The following EXOC6B variants were observed in gnomAD, a reference collection of about 807,000 sequenced individuals.
EXOC6B encodes SEC15 homolog B.
A neutral mutation model predicts 113.5 loss-of-function variants in EXOC6B; 54 were observed. The observed-to-expected ratio is 0.48, with a 90% CI of 0.38 to 0.60. The LOEUF (loss-of-function observed/expected upper bound fraction) is 0.60. Among genes scored for constraint, EXOC6B ranks in the 20% least tolerant of loss-of-function variants. The pLI, the probability that EXOC6B is intolerant of heterozygous loss-of-function variation, is 0.00. For synonymous variants in EXOC6B, 357 were observed against 339.0 expected (o/e 1.05, Z -0.58); for missense variants, 797 against 977.5 (o/e 0.82, Z 2.46).
intron 18 of EXOC6B, among the ~76,000 whole-genome samples, chr2:72,450,249 G>C (rs1696832082): frequency 6.6e-6 from 1 of 152,092 alleles, no homozygotes; most frequent in African/African-American, 2.4e-5. Context: ...AAAAAAAATA[G>C]TAAAACTCTG....
At chr2:72,660,635 T>A (rs542737267) in intron 6 of EXOC6B, among the ~76,000 whole-genome samples, 1 of 152,196 alleles carries the variant, frequency 6.6e-6, no homozygotes, top group Non-Finnish European at 1.5e-5. Context: ...CTGTAAACTT[T>A]CTTTAATGGA....
chr2:72,183,482 G>C (rs1349499513), intron 21 of EXOC6B, among the ~76,000 whole-genome samples: 1 of 152,170 alleles, frequency 6.6e-6, no homozygotes, highest in East Asian at 1.9e-4. Context: ...CTCTGTGGCA[G>C]GGAACCCTCT....
chr2:72,825,994 C>T lies in EXOC6B; in HGVS notation c.-84G>A. 1 of 1,533,140 alleles carries T rather than the reference C, an allele frequency of 6.5e-7. No homozygotes were observed. Among genetic ancestry groups the T allele is most frequent in the Non-Finnish European group, 8.8e-7 (1 of 1,140,352 alleles). The allele number at this position is 1,533,140 out of a possible 1,614,324, so 95.0% of individuals were successfully genotyped here. A position where few individuals can be genotyped will look rare whatever the true frequency, so the allele number is the denominator to read the frequency against. ...CCCACAATGCCGCTCCCACCACAGG[C>T]TCCACAGCCGCCCCAGCCTCTGGCT... On this transcript the variant is annotated 5_prime_UTR_variant, in exon 1 of 22. Transcript: ENST00000272427. The surrounding 1 kb of genome is among the most constrained non-coding windows in gnomAD (Gnocchi z 4.4).
intron 20 of EXOC6B, among the ~76,000 whole-genome samples, chr2:72,219,684 T>C (rs1342872442): frequency 2.6e-5 from 4 of 152,206 alleles, no homozygotes; most frequent in Admixed American, 6.5e-5. Flanking sequence ...CATTTTTTTC[T>C]GCTCTGGCCT....
chr2:72,582,475 C>T (rs1705284692), intron 6 of EXOC6B, among the ~76,000 whole-genome samples: 2 of 152,210 alleles, frequency 1.3e-5, no homozygotes, highest in East Asian at 1.9e-4. Context: ...TGAGATCATA[C>T]CACTACACTC....
At chr2:72,318,056 G>C (rs1687627048) in intron 20 of EXOC6B, among the ~76,000 whole-genome samples, 1 of 152,114 alleles carries the variant, frequency 6.6e-6, no homozygotes, top group Non-Finnish European at 1.5e-5. Context: ...CTGGCCAATA[G>C]AAGGCTCTTT....
intron 1 of EXOC6B, among the ~76,000 whole-genome samples, chr2:72,767,286 C>G (rs1683122689): frequency 6.6e-6 from 1 of 151,838 alleles, no homozygotes; most frequent in Non-Finnish European, 1.5e-5. Flanking sequence ...AAAAAATTAG[C>G]AGGGTGTAGT....
At chr2:72,747,681 C>T (rs1681789109) in intron 1 of EXOC6B, among the ~76,000 whole-genome samples, 1 of 151,882 alleles carries the variant, frequency 6.6e-6, no homozygotes, top group South Asian at 2.1e-4. Context: ...CAACCAAGAG[C>T]AAGTCAGAGT....
At chr2:72,623,528 C>G (rs1180623014) in intron 6 of EXOC6B, among the ~76,000 whole-genome samples, 5 of 152,170 alleles carry the variant, frequency 3.3e-5, no homozygotes, top group African/African-American at 1.2e-4. Flanking sequence ...TGCCCTTCAA[C>G]TAACCAATTC....
chr2:72,392,756 C>A (rs150510862), intron 18 of EXOC6B, among the ~76,000 whole-genome samples: 28 of 152,288 alleles, frequency 1.8e-4, no homozygotes, highest in African/African-American at 6.5e-4. Flanking sequence ...GATGGATTAT[C>A]TTGATTTTGT....
chr2:72,724,319 T>C (rs1389900547), intron 5 of EXOC6B, among the ~76,000 whole-genome samples: 1 of 152,132 alleles, frequency 6.6e-6, no homozygotes, highest in African/African-American at 2.4e-5. Flanking sequence ...CGTTGGGGAC[T>C]CCTGAGCTAT....
At chr2:72,513,370 C>A in intron 10 of EXOC6B, 118 bp from the exon 11 acceptor site, 3 of 1,262,436 alleles carry the variant, frequency 2.4e-6, no homozygotes, top group Non-Finnish European at 3.3e-6. Context: ...TCATTTTTTT[C>A]TTGAAGAAAC....
chr2:72,416,070 C>A (rs934165786), intron 18 of EXOC6B, among the ~76,000 whole-genome samples: 1 of 152,052 alleles, frequency 6.6e-6, no homozygotes, highest in African/African-American at 2.4e-5. Flanking sequence ...GAAGATGCAC[C>A]CCTCTTCTAG....
chr2:72,820,535 CA>C (rs963938970), intron 1 of EXOC6B, among the ~76,000 whole-genome samples: 3 of 151,934 alleles, frequency 2.0e-5, no homozygotes, highest in African/African-American at 7.3e-5. Flanking sequence ...GGAATTGAGC[CA>C]AAAAGAGAAA....
intron 6 of EXOC6B, among the ~76,000 whole-genome samples, chr2:72,587,661 G>A (rs1705675953): frequency 6.6e-6 from 1 of 152,084 alleles, no homozygotes; most frequent in African/African-American, 2.4e-5. Flanking sequence ...TGTTGGTTTT[G>A]TTGATAAAAA....
chr2:72,748,876 T>G (rs1456209738), intron 1 of EXOC6B, among the ~76,000 whole-genome samples: 1 of 151,956 alleles, frequency 6.6e-6, no homozygotes, highest in Non-Finnish European at 1.5e-5. Flanking sequence ...ATCAGTCAAA[T>G]CAACAACAGA....
At chr2:72,522,534 G>C (rs1180207471) in intron 8 of EXOC6B, among the ~76,000 whole-genome samples, 1 of 151,434 alleles carries the variant, frequency 6.6e-6, no homozygotes, top group African/African-American at 2.4e-5. Context: ...ACACAAATTG[G>C]GCAAAAAGAA....
chr2:72,767,022 G>C (rs1018977987), intron 1 of EXOC6B, among the ~76,000 whole-genome samples: 3 of 151,230 alleles, frequency 2.0e-5, no homozygotes, highest in African/African-American at 7.3e-5. Flanking sequence ...GAAAGGACAG[G>C]ATGTAAAATA....
intron 20 of EXOC6B, among the ~76,000 whole-genome samples, chr2:72,296,867 A>G (rs1686169545): frequency 6.6e-6 from 1 of 152,258 alleles, no homozygotes; most frequent in Non-Finnish European, 1.5e-5. Flanking sequence ...AAAGAAGACT[A>G]TTCCTTCGGT....
Sources: allele counts gnomAD v4.1 joint callset (sites outside exome capture counted in the v4.1 genomes callset), GRCh38; gene constraint gnomAD v4.1.1; non-coding constraint Gnocchi (gnomAD v3.1); transcripts MANE v1.5; gene names NCBI Gene and HGNC (gene_info 2026-07-23, HGNC 2026-07-21).